The following OR2L13 variants were observed in gnomAD, a reference collection of about 807,000 sequenced individuals.
OR2L13 encodes olfactory receptor family 2 subfamily L member 13, also known as olfactory receptor 2L13.
A neutral mutation model predicts 15.3 loss-of-function variants in OR2L13; 14 were observed. That is an observed-to-expected ratio of 0.91 (90% CI 0.60 to 1.43). The LOEUF is 1.43. Ranked by LOEUF, OR2L13 falls within the 40% of genes most tolerant of loss-of-function variation. OR2L13 has a pLI of 0.00. For missense variants in OR2L13, 367 were observed against 387.9 expected (o/e 0.95, Z 0.45); for synonymous variants, 152 against 142.9 (o/e 1.06, Z -0.45).
At chr1:248,058,620 A>T in the OR2L13 span, among the ~76,000 whole-genome samples, 1 of 152,034 alleles carries the variant, frequency 6.6e-6, no homozygotes, top group African/African-American at 2.4e-5. Context: ...TTTTTAGGAA[A>T]TTTTTCCGAG....
the OR2L13 span, chr1:247,966,061 A>G: frequency 6.2e-7 from 1 of 1,614,086 alleles, no homozygotes; most frequent in Non-Finnish European, 8.5e-7. Context: ...ATTCCAGATG[A>G]GCTCAGGAAA....
the OR2L13 span, among the ~76,000 whole-genome samples, chr1:247,995,163 A>G: frequency 3.3e-5 from 5 of 152,318 alleles, no homozygotes; most frequent in African/African-American, 1.2e-4. Flanking sequence ...CTTTCACTGC[A>G]TGAATCCTCA....
the OR2L13 span, among the ~76,000 whole-genome samples, chr1:247,966,865 A>G: frequency 6.1e-4 from 93 of 152,360 alleles, no homozygotes; most frequent in African/African-American, 2.2e-3. Flanking sequence ...AACAGGAAAG[A>G]AATTGCTGTT....
the OR2L13 span, among the ~76,000 whole-genome samples, chr1:248,034,149 G>T: frequency 6.6e-6 from 1 of 152,164 alleles, no homozygotes; most frequent in African/African-American, 2.4e-5. Context: ...ACTGCTGAAA[G>T]AAATCATAGA....
chr1:247,960,858 A>G, the OR2L13 span, among the ~76,000 whole-genome samples: 1 of 152,130 alleles, frequency 6.6e-6, no homozygotes, highest in Admixed American at 6.5e-5. Context: ...TTGACTAGGA[A>G]AGGGATTTCC....
chr1:247,964,825 G>A, the OR2L13 span, among the ~76,000 whole-genome samples: 4 of 149,290 alleles, frequency 2.7e-5, no homozygotes, highest in East Asian at 7.8e-4. Flanking sequence ...AAGCATGCAT[G>A]TTATATATTA....
chr1:248,096,785 T>G (rs569523481), upstream of OR2L13, among the ~76,000 whole-genome samples: 994 of 152,324 alleles, frequency 6.5e-3, 11 homozygotes, highest in African/African-American at 0.023. Context: ...TGAAATGAGG[T>G]GTTTTTTAAC....
At chr1:248,009,279 G>C in the OR2L13 span, among the ~76,000 whole-genome samples, 32 of 151,996 alleles carry the variant, frequency 2.1e-4, no homozygotes, top group African/African-American at 7.0e-4. Flanking sequence ...CCACTAGTCA[G>C]ATTAATAAAG....
the OR2L13 span, among the ~76,000 whole-genome samples, chr1:247,969,193 T>C: frequency 6.6e-6 from 1 of 152,158 alleles, no homozygotes; most frequent in East Asian, 1.9e-4. Flanking sequence ...GATGGGGTTG[T>C]TTGTTTTTTT....
chr1:248,007,657 T>A, the OR2L13 span, among the ~76,000 whole-genome samples: 418 of 152,352 alleles, frequency 2.7e-3, 1 homozygote, highest in African/African-American at 9.3e-3. Flanking sequence ...TTAGCCATTT[T>A]TCTTTCCATC....
the OR2L13 span, among the ~76,000 whole-genome samples, chr1:248,019,395 T>G: frequency 6.6e-6 from 1 of 152,220 alleles, no homozygotes. Flanking sequence ...CAACTCATAA[T>G]GGGTTTATCA....
At chr1:248,061,592 G>A in the OR2L13 span, 2 of 1,612,672 alleles carry the variant, frequency 1.2e-6, no homozygotes, top group Non-Finnish European at 1.7e-6. Context: ...ACACGAGTGA[G>A]TCAGAGAATC....
chr1:248,063,028 C>T, the OR2L13 span: 1 of 152,102 alleles, frequency 6.6e-6, no homozygotes, highest in Non-Finnish European at 1.5e-5. Context: ...AAGTTTGGTA[C>T]TCATGCCTCC....
the OR2L13 span, among the ~76,000 whole-genome samples, chr1:247,944,226 T>G: frequency 2.6e-5 from 4 of 152,098 alleles, no homozygotes; most frequent in African/African-American, 9.7e-5. Context: ...GAAAAAAGAT[T>G]TATTTGAATT....
chr1:247,955,543 G>A, the OR2L13 span, among the ~76,000 whole-genome samples: 1 of 152,044 alleles, frequency 6.6e-6, no homozygotes, highest in African/African-American at 2.4e-5. Context: ...CACAATGGTT[G>A]AACTAGTTTA....
At chr1:248,041,169 C>G in the OR2L13 span, 3 of 152,098 alleles carry the variant, frequency 2.0e-5, no homozygotes, top group African/African-American at 7.2e-5. Flanking sequence ...AAATATAGAT[C>G]AATGCAACAG....
the OR2L13 span, among the ~76,000 whole-genome samples, chr1:247,982,465 T>A: frequency 6.6e-6 from 1 of 152,248 alleles, no homozygotes; most frequent in African/African-American, 2.4e-5. Context: ...GAAAAAGAGA[T>A]CTATGCAATG....
At chr1:247,985,769 C>A in the OR2L13 span, among the ~76,000 whole-genome samples, 2 of 151,714 alleles carry the variant, frequency 1.3e-5, no homozygotes, top group African/African-American at 4.9e-5. Context: ...TCTCCAGCAC[C>A]TGTTGTTTCC....
At chr1:248,016,947 T>G in the OR2L13 span, among the ~76,000 whole-genome samples, 2 of 152,134 alleles carry the variant, frequency 1.3e-5, no homozygotes, top group African/African-American at 2.4e-5. Context: ...AATGGAATTA[T>G]GGAAGAAATC....
Sources: allele counts gnomAD v4.1 joint callset (sites outside exome capture counted in the v4.1 genomes callset), GRCh38; gene constraint gnomAD v4.1.1; transcripts MANE v1.5; gene names NCBI Gene and HGNC (gene_info 2026-07-23, HGNC 2026-07-21).